The following CAMKMT variants were observed in gnomAD, a reference collection of about 807,000 sequenced individuals.
CAMKMT encodes CaM KMT.
Under a neutral mutation model 48.0 loss-of-function variants are expected in CAMKMT, and 53 were observed. The observed-to-expected ratio is 1.10, with a 90% CI of 0.89 to 1.39. CAMKMT has a LOEUF of 1.39. Among genes scored for constraint, CAMKMT ranks in the 40% most tolerant of loss-of-function variants. The probability of loss-of-function intolerance (pLI) is 0.00; values close to 1 mark genes in which losing one functional copy is unlikely to be tolerated. For synonymous variants in CAMKMT, 165 were observed against 152.3 expected, an observed-to-expected ratio of 1.08 and a Z score of -0.61; for missense variants, 428 against 402.7, an observed-to-expected ratio of 1.06 and a Z score of -0.54.
At chr2:44,549,811 T>C (rs1217571999) in intron 3 of CAMKMT, 1 of 411,728 alleles carries the variant, frequency 2.4e-6, no homozygotes, top group Non-Finnish European at 4.3e-6. Flanking sequence ...CATAGGGGGC[T>C]TCTTCAACTG....
intron 7 of CAMKMT, among the ~76,000 whole-genome samples, chr2:44,727,162 A>G (rs1029301762): frequency 6.6e-6 from 1 of 152,156 alleles, no homozygotes; most frequent in Non-Finnish European, 1.5e-5. Flanking sequence ...GAAGAATGAC[A>G]TTGGTAGTTT....
intron 10 of CAMKMT, 73 bp downstream of exon 10, chr2:44,766,634 A>G (rs1680853921): frequency 3.9e-6 from 6 of 1,535,738 alleles, no homozygotes; most frequent in Non-Finnish European, 5.3e-6. Flanking sequence ...TCTTTTTGGC[A>G]GGTAACCTAA....
chr2:44,733,359 A>G (rs1013906391), intron 7 of CAMKMT, among the ~76,000 whole-genome samples: 3 of 152,214 alleles, frequency 2.0e-5, no homozygotes, highest in African/African-American at 7.2e-5. Flanking sequence ...ATGAAGAAAT[A>G]CAACTGATTC....
chr2:44,365,546 A>G (rs1483703259), intron 1 of CAMKMT, among the ~76,000 whole-genome samples: 2 of 152,192 alleles, frequency 1.3e-5, no homozygotes, highest in Non-Finnish European at 2.9e-5. Flanking sequence ...CCGGGCTTTC[A>G]TATCCATCCA....
chr2:44,381,079 G>A (rs1160708099), intron 2 of CAMKMT, among the ~76,000 whole-genome samples: 1 of 152,170 alleles, frequency 6.6e-6, no homozygotes, highest in Non-Finnish European at 1.5e-5. Flanking sequence ...AGAATCGCTT[G>A]AACCCGGGAG....
chr2:44,581,637 T>G (rs1669569962), intron 3 of CAMKMT, among the ~76,000 whole-genome samples: 1 of 152,244 alleles, frequency 6.6e-6, no homozygotes, highest in Non-Finnish European at 1.5e-5. Context: ...ATGGGATTAC[T>G]TTTATAGACA....
chr2:44,614,537 G>C (rs1258738380), intron 3 of CAMKMT, among the ~76,000 whole-genome samples: 1 of 152,162 alleles, frequency 6.6e-6, no homozygotes, highest in East Asian at 1.9e-4. Context: ...ACTCTTATGA[G>C]CAAGATAAGC....
chr2:44,482,370 A>G (rs1458715138), intron 3 of CAMKMT, among the ~76,000 whole-genome samples: 1 of 152,124 alleles, frequency 6.6e-6, no homozygotes, highest in Non-Finnish European at 1.5e-5. Context: ...TACTTCCAAA[A>G]ATTCTTCAGG....
At chr2:44,463,157 G>A (rs528838097) in intron 3 of CAMKMT, among the ~76,000 whole-genome samples, 18 of 152,260 alleles carry the variant, frequency 1.2e-4, no homozygotes, top group East Asian at 7.7e-4. Context: ...AGTCCTTTAA[G>A]TTGTTCCAGT....
intron 10 of CAMKMT, among the ~76,000 whole-genome samples, chr2:44,770,832 C>T (rs1016885640): frequency 5.9e-5 from 9 of 152,222 alleles, no homozygotes; most frequent in African/African-American, 1.9e-4. Flanking sequence ...AAATAGACAA[C>T]AAATCATCTG....
chr2:44,599,653 C>T (rs1186170503), intron 3 of CAMKMT, among the ~76,000 whole-genome samples: 2 of 151,876 alleles, frequency 1.3e-5, no homozygotes, highest in East Asian at 1.9e-4. Flanking sequence ...GAACCTCAAA[C>T]ATAATCATTA....
At chr2:44,668,646 A>C (rs544145893) in intron 3 of CAMKMT, among the ~76,000 whole-genome samples, 49 of 152,300 alleles carry the variant, frequency 3.2e-4, no homozygotes, top group African/African-American at 1.2e-3. Context: ...CATACAAGAC[A>C]GCATATATAA....
intron 3 of CAMKMT, among the ~76,000 whole-genome samples, chr2:44,391,181 G>T (rs1290782165): frequency 6.6e-6 from 1 of 152,162 alleles, no homozygotes. Context: ...GATTTGCATA[G>T]AATTGTGTTC....
intron 3 of CAMKMT, among the ~76,000 whole-genome samples, chr2:44,546,953 G>T (rs1667444305): frequency 2.0e-5 from 3 of 152,084 alleles, no homozygotes; most frequent in Non-Finnish European, 4.4e-5. Context: ...TTTTTAGTGG[G>T]GGTTTTTACT....
At chr2:44,471,403 G>T (rs1668410768) in intron 3 of CAMKMT, among the ~76,000 whole-genome samples, 1 of 152,036 alleles carries the variant, frequency 6.6e-6, no homozygotes, top group Admixed American at 6.5e-5. Flanking sequence ...TTTGAGACCA[G>T]CCAAGGCAAC....
At chr2:44,523,770 A>AT (rs70937920) in intron 3 of CAMKMT, among the ~76,000 whole-genome samples, 1,335 of 89,840 alleles carry the variant, frequency 0.015, 45 homozygotes, top group African/African-American at 0.032. Context: ...GAGAGCGAGC[A>AT]TTTTTTTTTT....
intron 3 of CAMKMT, among the ~76,000 whole-genome samples, chr2:44,592,714 C>A (rs1670373885): frequency 6.6e-6 from 1 of 152,180 alleles, no homozygotes; most frequent in Admixed American, 6.5e-5. Flanking sequence ...TCTGCGATTT[C>A]AGGCATCCAC....
chr2:44,536,763 A>G (rs559481098), intron 3 of CAMKMT, among the ~76,000 whole-genome samples: 1 of 152,350 alleles, frequency 6.6e-6, no homozygotes, highest in East Asian at 1.9e-4. Flanking sequence ...ACTTTAAAGT[A>G]TATTACAAGG....
chr2:44,437,011 A>G (rs1666303428), intron 3 of CAMKMT, among the ~76,000 whole-genome samples: 1 of 152,190 alleles, frequency 6.6e-6, no homozygotes, highest in South Asian at 2.1e-4. Context: ...AATTTATAAC[A>G]TACCATTTTA....
Sources: gnomAD v4.1 joint callset for allele counts (sites outside exome capture counted in the v4.1 genomes callset) on GRCh38, gnomAD v4.1.1 for gene constraint, MANE v1.5 for transcripts, NCBI Gene and HGNC (gene_info 2026-07-23, HGNC 2026-07-21) for gene names.